Variants in PPP2R2B observed in about 807,000 individuals in gnomAD.
The protein encoded by PPP2R2B is protein phosphatase 2 regulatory subunit Bbeta.
Under a neutral mutation model 46.0 loss-of-function variants are expected in PPP2R2B, and 5 were observed. The observed-to-expected ratio is 0.11, with a 90% CI of 0.06 to 0.23. The LOEUF is 0.23. Ranked by LOEUF, PPP2R2B falls within the 10% of genes least tolerant of loss-of-function variation. The pLI is 1.00. For synonymous variants in PPP2R2B, 215 were observed against 206.7 expected, an observed-to-expected ratio of 1.04 and a Z score of -0.34; for missense variants, 367 against 575.0, an observed-to-expected ratio of 0.64 and a Z score of 3.70.
At chr5:146,729,778 G>A (rs1752115545) in intron 2 of PPP2R2B, among the ~76,000 whole-genome samples, 1 of 152,212 alleles carries the variant, frequency 6.6e-6, no homozygotes, top group African/African-American at 2.4e-5. Flanking sequence ...TGAGGTTTGG[G>A]AACCTCCACC....
At position 146,944,766 on chromosome 5, in the gene PPP2R2B, A is replaced by T. The variant is rs530231444; in HGVS notation, c.79+110899T>A. On this transcript the variant is annotated intron_variant, in intron 1 of 8. Transcript: ENST00000336640. The stretch of plus-strand genomic sequence containing the variant: ...CTTCCTCCACCCTTGGTAGTCCTCA[A>T]CCTTTAAAACAATTTATTAAAGGTA... Among the ~76,000 whole-genome samples, 122 of 152,220 alleles carry T rather than the reference A, an allele frequency of 8.0e-4. 2 individuals are homozygous for T. The highest frequency in any genetic ancestry group is 2.8e-3 in the African/African-American group (118 of 41,534).
intron 2 of PPP2R2B, among the ~76,000 whole-genome samples, chr5:146,804,521 A>C (rs1468661952): frequency 6.6e-6 from 1 of 152,170 alleles, no homozygotes; most frequent in Non-Finnish European, 1.5e-5. Flanking sequence ...CAATAACAAC[A>C]TAAACACCTT....
chr5:146,981,360 C>T (rs1753169176), intron 1 of PPP2R2B, among the ~76,000 whole-genome samples: 5 of 152,018 alleles, frequency 3.3e-5, no homozygotes, highest in Non-Finnish European at 1.5e-5. Flanking sequence ...TTAGCTGGGT[C>T]AAGTCCTATA....
At chr5:146,943,091 C>T (rs1001550775) in intron 1 of PPP2R2B, among the ~76,000 whole-genome samples, 1 of 152,144 alleles carries the variant, frequency 6.6e-6, no homozygotes, top group African/African-American at 2.4e-5. Flanking sequence ...ACTACTACGC[C>T]CGGCCCAAAT....
intron 1 of PPP2R2B, among the ~76,000 whole-genome samples, chr5:146,906,798 C>T (rs915284892): frequency 6.6e-6 from 1 of 152,190 alleles, no homozygotes; most frequent in African/African-American, 2.4e-5. Flanking sequence ...ACTGTTCTAC[C>T]TCATGACTGT....
chr5:146,693,010 A>G (rs1371234246), intron 4 of PPP2R2B, among the ~76,000 whole-genome samples: 3 of 152,260 alleles, frequency 2.0e-5, no homozygotes, highest in Admixed American at 1.3e-4. Context: ...TGCACAAGGT[A>G]GGGTTTGGAA....
At chr5:146,707,400 G>A (rs1300329474) in intron 2 of PPP2R2B, 2 of 782,872 alleles carry the variant, frequency 2.6e-6, no homozygotes, top group Non-Finnish European at 4.7e-6. Flanking sequence ...GGTTCAGCAG[G>A]CTCTGGTTGA....
chr5:146,749,472 G>T (rs1753401307), intron 2 of PPP2R2B, among the ~76,000 whole-genome samples: 1 of 152,040 alleles, frequency 6.6e-6, no homozygotes, highest in African/African-American at 2.4e-5. Flanking sequence ...TGTAGCATAA[G>T]AACTCTTTGC....
chr5:147,001,109 C>T (rs973819917), intron 1 of PPP2R2B, among the ~76,000 whole-genome samples: 2 of 152,140 alleles, frequency 1.3e-5, no homozygotes, highest in African/African-American at 2.4e-5. Flanking sequence ...GACCAATCAG[C>T]ACTCTGTAAA....
chr5:147,075,512 A>G (rs1233224705), intron 2 of PPP2R2B, among the ~76,000 whole-genome samples: 2 of 152,132 alleles, frequency 1.3e-5, no homozygotes, highest in African/African-American at 2.4e-5. Context: ...TCTCTAAGAC[A>G]TATATATGAC....
At chr5:146,802,969 T>C (rs374202985) in intron 2 of PPP2R2B, among the ~76,000 whole-genome samples, 1 of 152,198 alleles carries the variant, frequency 6.6e-6, no homozygotes, top group East Asian at 1.9e-4. Context: ...ATTAATAAAA[T>C]GTTCAAGGAG....
intron 2 of PPP2R2B, among the ~76,000 whole-genome samples, chr5:146,830,481 G>C (rs1288622451): frequency 6.6e-6 from 1 of 151,296 alleles, no homozygotes; most frequent in Non-Finnish European, 1.5e-5. Flanking sequence ...TTAGCCACCT[G>C]CATGTATCAC....
At chr5:147,002,196 T>C (rs188355395) in intron 1 of PPP2R2B, among the ~76,000 whole-genome samples, 109 of 152,278 alleles carry the variant, frequency 7.2e-4, no homozygotes, top group African/African-American at 2.5e-3. Flanking sequence ...TGTTACCTTC[T>C]TTAGGCACCT....
At chr5:146,924,310 A>G (rs137971721) in intron 1 of PPP2R2B, among the ~76,000 whole-genome samples, 3 of 152,344 alleles carry the variant, frequency 2.0e-5, no homozygotes, top group African/African-American at 7.2e-5. Flanking sequence ...GGACAACTGC[A>G]ACTGAAAAGC....
At chr5:146,978,575 G>GT (rs1278902101) in intron 1 of PPP2R2B, among the ~76,000 whole-genome samples, 1 of 152,138 alleles carries the variant, frequency 6.6e-6, no homozygotes, top group East Asian at 1.9e-4. Flanking sequence ...TCCAGTTTCA[G>GT]TTTTCTGCAT....
chr5:146,921,836 GTAC>G (rs1211591235), intron 1 of PPP2R2B, among the ~76,000 whole-genome samples: 2 of 152,096 alleles, frequency 1.3e-5, no homozygotes, highest in African/African-American at 2.4e-5. Context: ...ATAACAACAA[GTAC>G]TACTACTATT....
chr5:146,821,777 CA>C (rs34886911), intron 2 of PPP2R2B, among the ~76,000 whole-genome samples: 20,147 of 134,958 alleles, frequency 0.15, 1,587 homozygotes, highest in African/African-American at 0.24. Flanking sequence ...AGTACTCTGC[CA>C]AAAAAAAAAA....
chr5:147,039,601 A>G (rs544851502), intron 1 of PPP2R2B, among the ~76,000 whole-genome samples: 2 of 152,296 alleles, frequency 1.3e-5, no homozygotes, highest in South Asian at 4.1e-4. Context: ...TCAGAAACCT[A>G]CCACGGAGAC....
chr5:146,722,275 A>G (rs1780853620), intron 2 of PPP2R2B, among the ~76,000 whole-genome samples: 1 of 152,212 alleles, frequency 6.6e-6, no homozygotes, highest in Admixed American at 6.5e-5. Context: ...AGTGGATGCT[A>G]TTATTCCCAG....
Sources: gnomAD v4.1 joint callset for allele counts (sites outside exome capture counted in the v4.1 genomes callset) on GRCh38, gnomAD v4.1.1 for gene constraint, MANE v1.5 for transcripts, NCBI Gene and HGNC (gene_info 2026-07-23, HGNC 2026-07-21) for gene names.